NLRP13: variants seen among roughly 807,000 people sequenced by gnomAD.
NLRP13 encodes NACHT, LRR and PYD domains-containing protein 13.
Under a neutral mutation model 94.4 loss-of-function variants are expected in NLRP13, and 82 were observed. The ratio of observed to expected loss-of-function variants is 0.87; its 90% CI spans 0.73 to 1.04. The LOEUF is 1.04. Ranked by LOEUF, NLRP13 falls within the 50% of genes least tolerant of loss-of-function variation. The probability of loss-of-function intolerance (pLI) is 0.00; values close to 1 mark genes in which losing one functional copy is unlikely to be tolerated. For missense variants in NLRP13, 1,426 were observed against 1,230.8 expected, an observed-to-expected ratio of 1.16 and a Z score of -2.37; for synonymous variants, 553 against 464.7, an observed-to-expected ratio of 1.19 and a Z score of -2.45.
intron 4 of NLRP13, among the ~76,000 whole-genome samples, chr19:55,919,515 C>A (rs1427390731): frequency 1.3e-5 from 2 of 151,844 alleles, no homozygotes; most frequent in African/African-American, 4.8e-5. Context: ...TTCATAAAAT[C>A]TTAGTATTAA....
At position 55,910,610 on chromosome 19, in the gene NLRP13, A is replaced by T. The variant is rs1986480887; in HGVS notation, c.2235T>A (p.Gly745=). Residue 745 remains glycine (G), a synonymous_variant, in exon 6 of 11, where the codon GGT becomes GGA. Coordinates refer to ENST00000342929, the MANE Select transcript of NLRP13 (RefSeq NM_176810.2). ...NSKLHASSVK[G]LCLALKNPRC... ...TTGGATTTTTCAGTGCAAGACAGAGACCCTTCACAGAGGAAGCATGAAGTT... is the reference window on the plus strand; with the variant it reads ...TTGGATTTTTCAGTGCAAGACAGAGTCCCTTCACAGAGGAAGCATGAAGTT... 1 of 1,613,300 alleles carries T rather than the reference A, an allele frequency of 6.2e-7. No homozygotes were observed. Among genetic ancestry groups the T allele is most frequent in the Non-Finnish European group, 8.5e-7 (1 of 1,179,508 alleles).
intron 2 of NLRP13, 66 bp downstream of exon 2, chr19:55,924,901 G>A (rs541415842): frequency 1.5e-6 from 2 of 1,318,434 alleles, no homozygotes; most frequent in African/African-American, 2.9e-5. Flanking sequence ...GGCAGCGGAT[G>A]TGGACCAGTG....
At chr19:55,908,607 A>T (rs193063889) in intron 6 of NLRP13, among the ~76,000 whole-genome samples, 3 of 152,266 alleles carry the variant, frequency 2.0e-5, no homozygotes, top group Admixed American at 2.0e-4. Flanking sequence ...AAAGAATGAG[A>T]TCATGTCCTT....
chr19:55,896,914 C>A (rs2123100076), intron 10 of NLRP13, among the ~76,000 whole-genome samples: 1 of 151,370 alleles, frequency 6.6e-6, no homozygotes, highest in African/African-American at 2.4e-5. Flanking sequence ...TCATCTAACC[C>A]ATCTATCAAT....
At chr19:55,924,944 T>G (rs775434507) in intron 2 of NLRP13, 23 bp downstream of exon 2, 29 of 1,602,726 alleles carry the variant, frequency 1.8e-5, no homozygotes, top group Non-Finnish European at 2.2e-5. Context: ...CTGTCCATTA[T>G]CAACTTAAAG....
chr19:55,924,190 T>G (rs1022797704), intron 3 of NLRP13, among the ~76,000 whole-genome samples: 6 of 152,192 alleles, frequency 3.9e-5, no homozygotes, highest in African/African-American at 1.4e-4. Flanking sequence ...TGGTACCATC[T>G]TGGCTCACTG....
In NLRP13 at chr19:55,898,926, C is replaced by A; in HGVS notation, c.2801G>T (p.Cys934Phe). The change falls in exon 10 of 11, where the codon TGT (cysteine) becomes TTT (phenylalanine). Residue 934 changes from cysteine to phenylalanine, a missense_variant. Transcript: ENST00000342929. ...TCCACAGCCCTCTCTTGTGAAAGAA[C>A]AACCTGACAAACTGCAAAATAAAAA... ...GNLQSLNLSG[C>F]SFTREGCGEL... The A allele has an allele frequency of 6.2e-7, 1 of 1,605,172 alleles. No homozygotes were observed. Among genetic ancestry groups the A allele is most frequent in the Non-Finnish European group, 8.5e-7 (1 of 1,177,396 alleles).
At chr19:55,906,870 C>G (rs1325122400) in intron 7 of NLRP13, among the ~76,000 whole-genome samples, 1 of 152,164 alleles carries the variant, frequency 6.6e-6, no homozygotes, top group Non-Finnish European at 1.5e-5. Context: ...CCAGCAAGAG[C>G]AGCATGACGT....
At position 55,897,110 on chromosome 19, in the gene NLRP13, C is replaced by A. The variant is rs538920606; in HGVS notation, c.2958-991G>T. 2.6e-5 allele frequency among the ~76,000 whole-genome samples: 4 copies of A among 152,176 alleles called. No individual in the cohort carries two copies. The East Asian group carries it at 7.7e-4, about 29-fold the overall frequency. ...TTTTTCCATCTTATTCTAAATTCAA[C>A]AATACAAAATTTGAACATAGGGTTG... On this transcript the variant is annotated intron_variant, in intron 10 of 10. Coordinates refer to ENST00000342929, the MANE Select transcript of NLRP13 (RefSeq NM_176810.2).
chr19:55,907,607 G>A (rs1986390892), intron 7 of NLRP13, among the ~76,000 whole-genome samples, 185 bp downstream of exon 7: 1 of 152,054 alleles, frequency 6.6e-6, no homozygotes, highest in Non-Finnish European at 1.5e-5. Context: ...CCTCCCCCAA[G>A]GTGAGGCTAA....
chr19:55,905,927 T>TG (rs1986333102), intron 7 of NLRP13, among the ~76,000 whole-genome samples: 1 of 152,142 alleles, frequency 6.6e-6, no homozygotes, highest in Non-Finnish European at 1.5e-5. Context: ...TGAAAACCCC[T>TG]GGATTTGGGG....
At chr19:55,894,004 GTAACAGCTGTT>G (rs144633724), downstream of NLRP13, among the ~76,000 whole-genome samples, 7,100 of 149,130 alleles carry the variant, frequency 0.048, 170 homozygotes, top group Middle Eastern at 0.083. Context: ...AGATGTACCA[GTAACAGCTGTT>G]AACTGCTTAC....
Position 55,896,133 on chromosome 19 carries a change from G to A in NLRP13, c.2958-14C>T, listed in dbSNP as rs781565891. 8.1e-6 allele frequency: 13 copies of A among 1,613,288 alleles called. No homozygotes were observed. In the South Asian group the frequency reaches 1.4e-4, roughly 18 times the overall value. ...CATTTCGCCAACCTAGGGGCGGGTGGGAAGAAAGCACAACAGATAGTCCTC... is the reference window on the plus strand; with the variant it reads ...CATTTCGCCAACCTAGGGGCGGGTGAGAAGAAAGCACAACAGATAGTCCTC... On this transcript the variant is annotated splice_polypyrimidine_tract_variant and intron_variant, in intron 10 of 10. Transcript: ENST00000342929.
At chr19:55,898,052 C>T (rs1370386596) in intron 10 of NLRP13, among the ~76,000 whole-genome samples, 2 of 152,268 alleles carry the variant, frequency 1.3e-5, no homozygotes, top group Admixed American at 6.5e-5. Context: ...GCAGGCTGCG[C>T]TCCCCTCAAC....
At chr19:55,893,054 T>C (rs1985900738), downstream of NLRP13, among the ~76,000 whole-genome samples, 1 of 152,042 alleles carries the variant, frequency 6.6e-6, no homozygotes, top group African/African-American at 2.4e-5. Flanking sequence ...ATATAAAGCA[T>C]AATAAAGGTT....
rs1986197147 is a variant in NLRP13, at chr19:55,902,079, C to T, written c.2745G>A (p.Leu915=). The T allele has an allele frequency of 6.2e-7, 1 of 1,614,216 alleles. No individual in the cohort carries two copies. Among genetic ancestry groups the T allele is most frequent in the South Asian group, 1.1e-5 (1 of 91,084 alleles). ...CATCTGGGCGACCCAAGGCCTCACA[C>T]AGGAACTTGACTCCCTCGTCTCTCA... The part of the protein sequence containing the change: ...NSLRDEGVKF[L]CEALGRPDGN... The change falls in exon 9 of 11, where the codon CTG becomes CTA. Residue 915 remains leucine, a synonymous_variant. Transcript: ENST00000342929.
Position 55,923,918 on chromosome 19 carries a change from T to G in NLRP13, c.519A>C (p.Glu173Asp). The G allele has an allele frequency of 6.2e-7, 1 of 1,613,166 alleles. No homozygotes were observed. Among genetic ancestry groups the G allele is most frequent in the Non-Finnish European group, 8.5e-7 (1 of 1,179,148 alleles). ...AACATAAAGTAGTATACACACCTGCTTCCTCTAGCATCTCTGGTTCTTCTT... is the reference window on the plus strand; with the variant it reads ...AACATAAAGTAGTATACACACCTGCGTCCTCTAGCATCTCTGGTTCTTCTT... ...PNQEEPEMLE[E>D]ADHRRKYREN... The change falls in exon 4 of 11, where the codon GAA becomes GAC. Residue 173 changes from glutamate to aspartate, a missense_variant. Glu to Asp is a conservative substitution (Grantham distance 45). Transcript: ENST00000342929.
chr19:55,891,797 C>T (rs1485623225), downstream of NLRP13: 6 of 329,892 alleles, frequency 1.8e-5, no homozygotes, highest in Admixed American at 4.8e-5. Context: ...AACTTATGAT[C>T]TTGGTACCAG....
downstream of NLRP13, among the ~76,000 whole-genome samples, chr19:55,894,847 A>G (rs1356768435): frequency 6.6e-6 from 1 of 152,196 alleles, no homozygotes; most frequent in African/African-American, 2.4e-5. Context: ...AGTAGGTACA[A>G]GAATGATAAA....
Sources: allele counts gnomAD v4.1 joint callset (sites outside exome capture counted in the v4.1 genomes callset), GRCh38; gene constraint gnomAD v4.1.1; transcripts MANE v1.5; gene names NCBI Gene and HGNC (gene_info 2026-07-23, HGNC 2026-07-21).